Variants in TENM3 observed in about 807,000 individuals in gnomAD.
TENM3 encodes the protein teneurin-3.
TENM3 carries 63 observed loss-of-function variants against 255.1 expected under a neutral mutation model. That is an observed-to-expected ratio of 0.25 (90% confidence interval 0.20 to 0.30). TENM3 has a LOEUF of 0.30. Ranked by LOEUF, TENM3 falls within the 10% of genes least tolerant of loss-of-function variation. The pLI, the probability that TENM3 is intolerant of heterozygous loss-of-function variation, is 1.00. For synonymous variants in TENM3, 1,306 were observed against 1,322.3 expected (o/e 0.99, Z 0.27); for missense variants, 2,929 against 3,461.1 (o/e 0.85, Z 3.86).
chr4:182,120,943 G>T, the TENM3 span, among the ~76,000 whole-genome samples: 1 of 152,092 alleles, frequency 6.6e-6, no homozygotes, highest in South Asian at 2.1e-4. Flanking sequence ...ACTTGTATAC[G>T]CATTGTAGGA....
the TENM3 span, among the ~76,000 whole-genome samples, chr4:181,815,061 C>A: frequency 2.0e-5 from 3 of 151,974 alleles, no homozygotes; most frequent in African/African-American, 7.3e-5. Flanking sequence ...TACATCTATT[C>A]AAGGTTAGGA....
At chr4:181,607,919 A>G in the TENM3 span, among the ~76,000 whole-genome samples, 6 of 152,360 alleles carry the variant, frequency 3.9e-5, no homozygotes, top group South Asian at 1.0e-3. Flanking sequence ...CCTTAAAGGA[A>G]AAGAGTGGCA....
chr4:181,696,318 CT>C, the TENM3 span, among the ~76,000 whole-genome samples: 1 of 152,062 alleles, frequency 6.6e-6, no homozygotes, highest in African/African-American at 2.4e-5. Context: ...CCTACCGCCC[CT>C]CTCTCCCCTC....
At chr4:182,347,896 A>G (rs1764931575) in intron 3 of TENM3, among the ~76,000 whole-genome samples, 1 of 152,210 alleles carries the variant, frequency 6.6e-6, no homozygotes, top group East Asian at 1.9e-4. Flanking sequence ...ATTGCATGAC[A>G]TTTGAAAAGA....
intron 3 of TENM3, among the ~76,000 whole-genome samples, chr4:182,550,226 A>G (rs564406549): frequency 6.6e-6 from 1 of 152,364 alleles, no homozygotes; most frequent in South Asian, 2.1e-4. Context: ...AGTCATATGT[A>G]TGTATGTATG....
the TENM3 span, among the ~76,000 whole-genome samples, chr4:181,479,613 C>T: frequency 6.6e-6 from 1 of 151,978 alleles, no homozygotes; most frequent in Non-Finnish European, 1.5e-5. Flanking sequence ...AAAAAACACA[C>T]ACAGAGGAAT....
chr4:181,576,559 G>A, the TENM3 span, among the ~76,000 whole-genome samples: 4 of 152,050 alleles, frequency 2.6e-5, no homozygotes, highest in Admixed American at 2.0e-4. Flanking sequence ...AAGGAAGGAC[G>A]CAGAGAAAAG....
At chr4:182,296,115 C>T (rs1057340960) in intron 1 of TENM3, among the ~76,000 whole-genome samples, 2 of 152,064 alleles carry the variant, frequency 1.3e-5, no homozygotes, top group Non-Finnish European at 1.5e-5. Context: ...AGGCACGCAC[C>T]ACCGTGCCTG....
the TENM3 span, among the ~76,000 whole-genome samples, chr4:181,707,395 C>T: frequency 6.6e-6 from 1 of 152,144 alleles, no homozygotes; most frequent in South Asian, 2.1e-4. Flanking sequence ...GGCAGAAGAA[C>T]ACCATCTTTA....
At chr4:181,851,229 G>A in the TENM3 span, among the ~76,000 whole-genome samples, 1 of 152,016 alleles carries the variant, frequency 6.6e-6, no homozygotes, top group South Asian at 2.1e-4. Context: ...AACTTTCTTT[G>A]GGGCAAACCC....
At chr4:181,944,991 T>G in the TENM3 span, among the ~76,000 whole-genome samples, 3 of 152,148 alleles carry the variant, frequency 2.0e-5, no homozygotes, top group African/African-American at 7.2e-5. Flanking sequence ...GAAGACACTG[T>G]GGTTGATCTG....
At chr4:182,678,027 G>A (rs1274854989) in intron 7 of TENM3, among the ~76,000 whole-genome samples, 1 of 151,906 alleles carries the variant, frequency 6.6e-6, no homozygotes, top group Non-Finnish European at 1.5e-5. Context: ...TATATATGCA[G>A]TAGTATAATA....
chr4:182,419,403 C>T (rs147209499), intron 3 of TENM3, among the ~76,000 whole-genome samples: 6,640 of 152,156 alleles, frequency 0.044, 240 homozygotes, highest in East Asian at 0.17. Context: ...GAAATAGGAA[C>T]GCTTTTACAC....
At chr4:182,596,769 A>G (rs72701963) in intron 3 of TENM3, among the ~76,000 whole-genome samples, 80 of 152,340 alleles carry the variant, frequency 5.3e-4, no homozygotes, top group Non-Finnish European at 9.8e-4. Context: ...GATAGGCACT[A>G]GAAAGCCATT....
At chr4:182,529,754 C>G (rs975312131) in intron 3 of TENM3, among the ~76,000 whole-genome samples, 2 of 151,660 alleles carry the variant, frequency 1.3e-5, no homozygotes, top group Admixed American at 1.3e-4. Context: ...CTAAGGTGTT[C>G]CGTATATAAA....
intron 25 of TENM3, among the ~76,000 whole-genome samples, chr4:182,791,977 T>A (rs1228102725): frequency 6.6e-6 from 1 of 152,186 alleles, no homozygotes; most frequent in African/African-American, 2.4e-5. Flanking sequence ...GTATTATGAC[T>A]AATCCAGATC....
At chr4:181,784,531 G>T in the TENM3 span, among the ~76,000 whole-genome samples, 1 of 151,980 alleles carries the variant, frequency 6.6e-6, no homozygotes, top group Non-Finnish European at 1.5e-5. Context: ...TCTCTCTGTT[G>T]TGTTTTTATT....
At chr4:182,164,975 G>A (rs1479962638) in intron 1 of TENM3, among the ~76,000 whole-genome samples, 1 of 152,104 alleles carries the variant, frequency 6.6e-6, no homozygotes, top group Non-Finnish European at 1.5e-5. Flanking sequence ...TTTAACCATA[G>A]CTACATCTTA....
At chr4:181,808,474 C>T in the TENM3 span, among the ~76,000 whole-genome samples, 4 of 152,168 alleles carry the variant, frequency 2.6e-5, no homozygotes, top group South Asian at 6.2e-4. Flanking sequence ...GGTTGGGCAG[C>T]CTGGAGAAGG....
Sources: allele counts gnomAD v4.1 joint callset (sites outside exome capture counted in the v4.1 genomes callset), GRCh38; gene constraint gnomAD v4.1.1; transcripts MANE v1.5; gene names NCBI Gene and HGNC (gene_info 2026-07-23, HGNC 2026-07-21).